The following RGMA variants were observed in gnomAD, a reference collection of about 807,000 sequenced individuals.
RGMA encodes the protein repulsive guidance molecule BMP co-receptor a, also known as repulsive guidance molecule A.
RGMA carries 10 observed loss-of-function variants against 23.2 expected under a neutral mutation model. The ratio of observed to expected loss-of-function variants is 0.43; its 90% CI spans 0.27 to 0.73. The LOEUF is 0.73. RGMA is among the 30% of genes least tolerant of loss of function. RGMA has a pLI of 0.20. For synonymous variants in RGMA, 308 were observed against 279.3 expected, an observed-to-expected ratio of 1.10 and a Z score of -1.03; for missense variants, 547 against 630.5, an observed-to-expected ratio of 0.87 and a Z score of 1.42.
chr15:93,050,587 C>T (rs576863130), intron 3 of RGMA, among the ~76,000 whole-genome samples: 86 of 152,320 alleles, frequency 5.6e-4, no homozygotes, highest in African/African-American at 1.9e-3. Context: ...GTTCTCCCTC[C>T]ACTGCTCCAC....
intron 1 of RGMA, among the ~76,000 whole-genome samples, chr15:93,075,466 C>T (rs995092618): frequency 6.6e-6 from 1 of 152,190 alleles, no homozygotes; most frequent in African/African-American, 2.4e-5. Context: ...ATATGTACAA[C>T]ATAATGAACC....
intron 1 of RGMA, chr15:93,088,647 G>C (rs1895682781): frequency 2.9e-6 from 3 of 1,022,990 alleles, no homozygotes; most frequent in Non-Finnish European, 3.9e-6. Context: ...CGGTGTAAGG[G>C]ACGTGTGCCG....
intron 2 of RGMA, among the ~76,000 whole-genome samples, chr15:93,059,084 G>A (rs113935042): frequency 7.3e-4 from 111 of 152,260 alleles, no homozygotes; most frequent in African/African-American, 2.6e-3. Context: ...CTTCGGGCTC[G>A]AGCGGGCCTG....
At chr15:93,061,179 T>C (rs944901828) in intron 2 of RGMA, among the ~76,000 whole-genome samples, 14 of 150,570 alleles carry the variant, frequency 9.3e-5, no homozygotes, top group African/African-American at 3.0e-4. Flanking sequence ...TTTTTTGACA[T>C]AGAGTCACTC....
chr15:93,072,872 G>T (rs763485499), intron 2 of RGMA, 44 bp downstream of exon 2: 34 of 1,564,784 alleles, frequency 2.2e-5, no homozygotes, highest in Non-Finnish European at 2.7e-5. Flanking sequence ...ATTGAGGGGC[G>T]GCCCAGGGAC....
intron 1 of RGMA, chr15:93,073,573 A>C (rs1895412098): frequency 6.5e-7 from 1 of 1,532,844 alleles, no homozygotes; most frequent in Non-Finnish European, 8.7e-7. Context: ...CTTTCCAACC[A>C]GACTGCCGAC....
At chr15:93,073,908 T>C (rs1596104854) in intron 1 of RGMA, 1 of 1,441,920 alleles carries the variant, frequency 6.9e-7, no homozygotes, top group Non-Finnish European at 9.1e-7. Context: ...GCTATGCCGG[T>C]CCGCGTGGCG....
rs546296641 is a variant in RGMA, at chr15:93,037,192, C to T, written c.*7806G>A. ...TTACATTTCATCTTCAGGACCGCCA[C>T]GTGAGGGAGGTGGCGTCATTGTTCC... On this transcript the variant is annotated 3_prime_UTR_variant, in exon 4 of 4. Transcript: ENST00000329082. The surrounding 1 kb of genome is among the most constrained non-coding windows in gnomAD (Gnocchi z 4.3). The T allele has an allele frequency of 1.3e-5, 2 of 152,254 alleles. No individual in the cohort carries two copies. The highest frequency in any genetic ancestry group is 3.8e-4 in the East Asian group (2 of 5,202). The allele number at this position is 152,254 out of a possible 1,614,324, so 9.4% of individuals were successfully genotyped here. A position where few individuals can be genotyped will look rare whatever the true frequency, so the allele number is the denominator to read the frequency against.
chr15:93,043,289 C>G lies in RGMA; in HGVS notation c.*1709G>C, dbSNP rs1457191433. On this transcript the variant is annotated 3_prime_UTR_variant, in exon 4 of 4. Coordinates refer to ENST00000329082, the MANE Select transcript of RGMA (RefSeq NM_020211.3). ...ACAGGCATGCATACACACATGCGCG[C>G]ACACACACATGCGCGCACACACACA... 6.9e-6 allele frequency: 1 copy of G among 144,760 alleles called. No individual in the cohort carries two copies. Among genetic ancestry groups the G allele is most frequent in the Admixed American group, 6.9e-5 (1 of 14,562 alleles). 9.0% of individuals were successfully genotyped at this position (144,760 alleles called of 1,614,324 possible). A position where few individuals can be genotyped will look rare whatever the true frequency, so the allele number is the denominator to read the frequency against.
In RGMA at chr15:93,088,949, C is replaced by CG. The variant is rs754468045; in HGVS notation, c.-18dup. ...CGGCTGCATGAGCCCCTGCGGCCCG[C>CG]GGGGGGTGGCGCTGGCGGGGCTGCG... is the stretch of plus-strand genomic sequence containing the variant. On this transcript the variant is annotated 5_prime_UTR_variant, in exon 1 of 4. Transcript: ENST00000329082. 11 of 1,396,414 alleles carry CG rather than the reference C, an allele frequency of 7.9e-6. No homozygotes were observed. Among genetic ancestry groups the CG allele is most frequent in the African/African-American group, 6.1e-5 (4 of 65,526 alleles). The allele number at this position is 1,396,414 out of a possible 1,614,324, so 86.5% of individuals were successfully genotyped here.
At position 93,045,535 on chromosome 15, in the gene RGMA, G is replaced by A. The variant is rs1198795980; in HGVS notation, c.816C>T (p.Ile272=). ...TGGTGGTGCCGATGTACTTGGCCTG[G>A]ATCTCCACGTGCTGGCCTGACACCT... ...TEKVSGQHVE[I]QAKYIGTTIV... is the part of the protein sequence containing the mutation. The change falls in exon 4 of 4, where the codon ATC becomes ATT. Residue 272 remains isoleucine (I), a synonymous_variant. Coordinates refer to ENST00000329082, the MANE Select transcript of RGMA (RefSeq NM_020211.3). This position sits in a 1 kb window ranked among gnomAD's most constrained non-coding sequence, Gnocchi z 6.9. 42 of 1,613,328 alleles carry A rather than the reference G, an allele frequency of 2.6e-5. No individual in the cohort carries two copies. The highest frequency in any genetic ancestry group is 3.3e-5 in the Non-Finnish European group (39 of 1,179,898).
intron 2 of RGMA, among the ~76,000 whole-genome samples, chr15:93,061,510 C>T (rs1894965798): frequency 6.6e-6 from 1 of 152,206 alleles, no homozygotes; most frequent in Non-Finnish European, 1.5e-5. Flanking sequence ...CCGGGAGATG[C>T]ACTTGCCCCA....
At position 93,045,061 on chromosome 15, in the gene RGMA, CA is replaced by C; in HGVS notation, c.1289del (p.Leu430ArgfsTer77). The C allele has an allele frequency of 6.4e-7, 1 of 1,573,764 alleles. No homozygotes were observed. The highest frequency in any genetic ancestry group is 8.6e-7 in the Non-Finnish European group (1 of 1,159,684). ...LPGRAAAGLPLAPRPLLGALV... is the reference protein window; with the variant it reads ...LPGRAAAGLPXAPRPLLGALV... ...GGGCGCCCAGGAGGGGCCGGGGGGC[CA>C]GGGGCAGCCCCGCAGCCGCCCTGCC... is the stretch of plus-strand genomic sequence containing the variant. On this transcript the variant is annotated frameshift_variant, in exon 4 of 4. Coordinates refer to ENST00000329082, the MANE Select transcript of RGMA (RefSeq NM_020211.3). LOFTEE classifies it low-confidence loss of function (END_TRUNC). The surrounding 1 kb of genome is among the most constrained non-coding windows in gnomAD (Gnocchi z 6.9).
At chr15:93,077,934 C>T (rs1895498646) in intron 1 of RGMA, among the ~76,000 whole-genome samples, 1 of 152,346 alleles carries the variant, frequency 6.6e-6, no homozygotes, top group South Asian at 2.1e-4. Flanking sequence ...TCTCAAACTC[C>T]TGGGCTCAAG....
chr15:93,061,138 C>T (rs11852624), intron 2 of RGMA, among the ~76,000 whole-genome samples: 29,513 of 152,182 alleles, frequency 0.19, 3,207 homozygotes, highest in Middle Eastern at 0.33. Flanking sequence ...GTCCATACTC[C>T]ATACCCAAAG....
intron 2 of RGMA, among the ~76,000 whole-genome samples, chr15:93,072,359 A>G (rs1226167252): frequency 1.3e-5 from 2 of 152,242 alleles, no homozygotes; most frequent in Non-Finnish European, 1.5e-5. Context: ...GGCGACGCAG[A>G]AAGTTATCAA....
chr15:93,073,928 G>T lies in RGMA; in HGVS notation c.15-897C>A, dbSNP rs77650454. ...GCCGGTCCGCGTGGCGCGCAGGGCC[G>T]GATGGTTTGGCGCTCTCTGCGAGGC... is the stretch of plus-strand genomic sequence containing the variant. On this transcript the variant is annotated intron_variant, in intron 1 of 3. Coordinates refer to ENST00000329082, the MANE Select transcript of RGMA (RefSeq NM_020211.3). 6 of 1,435,810 alleles carry T rather than the reference G, an allele frequency of 4.2e-6. No homozygotes were observed. In the East Asian group the frequency reaches 1.5e-4, roughly 36 times the overall value. The allele number at this position is 1,435,810 out of a possible 1,614,324, so 88.9% of individuals were successfully genotyped here.
intron 3 of RGMA, among the ~76,000 whole-genome samples, chr15:93,048,383 T>C (rs1330592339): frequency 6.6e-6 from 1 of 152,054 alleles, no homozygotes; most frequent in Non-Finnish European, 1.5e-5. Flanking sequence ...GAAATGGCGG[T>C]CTTCTCATGA....
At chr15:93,079,751 C>T (rs532749971) in intron 1 of RGMA, among the ~76,000 whole-genome samples, 26 of 152,138 alleles carry the variant, frequency 1.7e-4, no homozygotes, top group Non-Finnish European at 2.4e-4. Context: ...ACCCAGTAGG[C>T]GGAGGTTGCA....
Sources: allele counts gnomAD v4.1 joint callset (sites outside exome capture counted in the v4.1 genomes callset), GRCh38; gene constraint gnomAD v4.1.1; non-coding constraint Gnocchi (gnomAD v3.1); transcripts MANE v1.5; gene names NCBI Gene and HGNC (gene_info 2026-07-23, HGNC 2026-07-21).